ZSWIM6: variants seen among roughly 807,000 people sequenced by gnomAD.
ZSWIM6 encodes zinc finger SWIM-type containing 6, also known as zinc finger SWIM domain-containing protein 6.
Under a neutral mutation model 113.2 loss-of-function variants are expected in ZSWIM6, and 9 were observed. The ratio of observed to expected loss-of-function variants is 0.08; its 90% confidence interval spans 0.05 to 0.14. ZSWIM6 has a LOEUF of 0.14. Ranked by LOEUF, ZSWIM6 falls within the 10% of genes least tolerant of loss-of-function variation. ZSWIM6 has a pLI of 1.00. For missense variants in ZSWIM6, 1,162 were observed against 1,552.2 expected (o/e 0.75, Z 4.22); for synonymous variants, 611 against 606.5 (o/e 1.01, Z -0.11).
At chr5:61,363,065 G>A (rs1054878183) in intron 1 of ZSWIM6, among the ~76,000 whole-genome samples, 1 of 152,190 alleles carries the variant, frequency 6.6e-6, no homozygotes, top group Non-Finnish European at 1.5e-5. Context: ...GAAAAACACT[G>A]TTCTTGAGCC....
intron 4 of ZSWIM6, among the ~76,000 whole-genome samples, chr5:61,504,379 T>C (rs1748546097): frequency 6.6e-6 from 1 of 152,214 alleles, no homozygotes; most frequent in African/African-American, 2.4e-5. Context: ...GGAGTGATTA[T>C]ACTATCATAC....
At chr5:61,485,079 C>T (rs1357659638) in intron 2 of ZSWIM6, among the ~76,000 whole-genome samples, 1 of 151,910 alleles carries the variant, frequency 6.6e-6, no homozygotes, top group East Asian at 1.9e-4. Context: ...TGCATTTCTC[C>T]CTCCCTCTTT....
chr5:61,434,715 A>G (rs1746668914), intron 1 of ZSWIM6, among the ~76,000 whole-genome samples: 1 of 152,134 alleles, frequency 6.6e-6, no homozygotes, highest in Non-Finnish European at 1.5e-5. Flanking sequence ...GCTTGGTTCC[A>G]TATTTTTGCA....
At chr5:61,484,954 C>T (rs535175844) in intron 2 of ZSWIM6, among the ~76,000 whole-genome samples, 2 of 152,244 alleles carry the variant, frequency 1.3e-5, no homozygotes, top group South Asian at 2.1e-4. Context: ...ATGATCTATA[C>T]GTGCCTCCAG....
At chr5:61,352,534 A>G (rs1744813423) in intron 1 of ZSWIM6, among the ~76,000 whole-genome samples, 1 of 152,202 alleles carries the variant, frequency 6.6e-6, no homozygotes, top group African/African-American at 2.4e-5. Flanking sequence ...CTATTGCTTC[A>G]CACCCATCAC....
intron 9 of ZSWIM6, among the ~76,000 whole-genome samples, chr5:61,535,037 A>G (rs1749539429): frequency 1.3e-5 from 2 of 152,158 alleles, no homozygotes; most frequent in Non-Finnish European, 2.9e-5. Context: ...CATTTTCTGG[A>G]AACCTGGCAT....
At chr5:61,426,817 T>C (rs6449533) in intron 1 of ZSWIM6, among the ~76,000 whole-genome samples, 53,962 of 151,666 alleles carry the variant, frequency 0.36, 9,802 homozygotes, top group African/African-American at 0.41. Context: ...TTTTCTTTTT[T>C]TTTTTTTTTC....
chr5:61,357,958 G>A (rs1236432397), intron 1 of ZSWIM6, among the ~76,000 whole-genome samples: 2 of 152,054 alleles, frequency 1.3e-5, no homozygotes, highest in Non-Finnish European at 2.9e-5. Flanking sequence ...GGTTGTTAGC[G>A]CCATCTTATG....
At chr5:61,357,900 C>G (rs557808910) in intron 1 of ZSWIM6, among the ~76,000 whole-genome samples, 1 of 152,136 alleles carries the variant, frequency 6.6e-6, no homozygotes, top group Admixed American at 6.5e-5. Context: ...ACTCCAGGAC[C>G]TGTTTTAGCC....
intron 1 of ZSWIM6, among the ~76,000 whole-genome samples, chr5:61,384,928 C>A (rs1485142615): frequency 6.6e-6 from 1 of 152,128 alleles, no homozygotes; most frequent in Non-Finnish European, 1.5e-5. Flanking sequence ...GGTGTGGCGG[C>A]AGGCACCTGT....
intron 1 of ZSWIM6, among the ~76,000 whole-genome samples, chr5:61,428,804 G>A (rs1317733421): frequency 6.6e-6 from 1 of 152,126 alleles, no homozygotes; most frequent in Non-Finnish European, 1.5e-5. Context: ...GTTTTCTGTT[G>A]TTTTTATTAT....
intron 1 of ZSWIM6, among the ~76,000 whole-genome samples, chr5:61,452,662 A>G (rs1343501098): frequency 6.6e-6 from 1 of 151,778 alleles, no homozygotes; most frequent in African/African-American, 2.4e-5. Context: ...TCTTTAACCA[A>G]CCTCCCCTAA....
At chr5:61,377,622 C>G (rs1263910218) in intron 1 of ZSWIM6, among the ~76,000 whole-genome samples, 1 of 151,574 alleles carries the variant, frequency 6.6e-6, no homozygotes, top group African/African-American at 2.4e-5. Flanking sequence ...GAGACTGAGG[C>G]AGGAGAATCT....
chr5:61,406,992 C>T (rs1481495926), intron 1 of ZSWIM6, among the ~76,000 whole-genome samples: 1 of 152,144 alleles, frequency 6.6e-6, no homozygotes, highest in East Asian at 1.9e-4. Flanking sequence ...GGATTACAGG[C>T]GTGAGCCATT....
intron 1 of ZSWIM6, among the ~76,000 whole-genome samples, chr5:61,409,028 T>A (rs1365080932): frequency 6.6e-6 from 1 of 151,408 alleles, no homozygotes; most frequent in Non-Finnish European, 1.5e-5. Context: ...CCTTGATGAC[T>A]TCTAAATTAT....
intron 9 of ZSWIM6, among the ~76,000 whole-genome samples, chr5:61,533,296 A>G (rs929998867): frequency 6.6e-6 from 1 of 152,208 alleles, no homozygotes. Flanking sequence ...CCATGACTGA[A>G]TTGACTACAC....
At chr5:61,533,685 CAG>C (rs1749503654) in intron 9 of ZSWIM6, among the ~76,000 whole-genome samples, 3 of 152,196 alleles carry the variant, frequency 2.0e-5, no homozygotes, top group Admixed American at 2.0e-4. Flanking sequence ...TAAGGGGAAA[CAG>C]TGAAAGAAAA....
At position 61,332,491 on chromosome 5, in the gene ZSWIM6, C is replaced by A; in HGVS notation, c.219C>A (p.Ser73Arg). ...LGLLPPGKTQ[S>R]PESLLDIAAR... ...TGCTGCCGCCGGGCAAGACCCAGAG[C>A]CCCGAGTCGCTGCTGGACATCGCGG... Residue 73 changes from serine (S) to arginine (R), a missense_variant, in exon 1 of 14, where the codon AGC becomes AGA. This residue lies in a region of ZSWIM6 where 333 missense variants were observed against 293.4 expected (regional missense o/e 1.13). Transcript: ENST00000252744. The A allele has an allele frequency of 1.6e-6, 2 of 1,256,822 alleles. No individual in the cohort carries two copies. 77.9% of individuals were successfully genotyped at this position (1,256,822 alleles called of 1,614,324 possible).
At chr5:61,458,904 G>A (rs78571295) in intron 1 of ZSWIM6, among the ~76,000 whole-genome samples, 228 of 151,244 alleles carry the variant, frequency 1.5e-3, no homozygotes, top group African/African-American at 5.4e-3. Flanking sequence ...AAAAAAAAAG[G>A]AGGCCAAAGA....
Sources: allele counts gnomAD v4.1 joint callset (sites outside exome capture counted in the v4.1 genomes callset), GRCh38; gene constraint gnomAD v4.1.1; regional missense constraint gnomAD v4.1.1; transcripts MANE v1.5; gene names NCBI Gene and HGNC (gene_info 2026-07-23, HGNC 2026-07-21).